PDK1: variants seen among roughly 807,000 people sequenced by gnomAD.
The protein encoded by PDK1 is [Pyruvate dehydrogenase (acetyl-transferring)] kinase isozyme 1, mitochondrial.
A neutral mutation model predicts 54.2 loss-of-function variants in PDK1; 39 were observed. The observed-to-expected ratio is 0.72, with a 90% CI of 0.56 to 0.94. The LOEUF is 0.94. Among genes scored for constraint, PDK1 ranks in the 40% least tolerant of loss-of-function variants. PDK1 has a pLI of 0.00. For missense variants in PDK1, 552 were observed against 566.0 expected, an observed-to-expected ratio of 0.98 and a Z score of 0.25; for synonymous variants, 221 against 207.1, an observed-to-expected ratio of 1.07 and a Z score of -0.58.
chr2:172,723,950 C>T, the PDK1 span: 1 of 152,176 alleles, frequency 6.6e-6, no homozygotes, highest in South Asian at 2.1e-4. Flanking sequence ...AACATTTTCA[C>T]ATTGAAAAGC....
At chr2:172,696,864 T>C in the PDK1 span, among the ~76,000 whole-genome samples, 1 of 152,188 alleles carries the variant, frequency 6.6e-6, no homozygotes, top group Non-Finnish European at 1.5e-5. Context: ...TCTAAAGTGT[T>C]ACACACCTTT....
the PDK1 span, among the ~76,000 whole-genome samples, chr2:172,642,424 C>G: frequency 1.3e-5 from 2 of 152,098 alleles, no homozygotes; most frequent in Non-Finnish European, 2.9e-5. Flanking sequence ...TGTGAAAACC[C>G]TAAGGCAGAG....
At chr2:172,611,992 A>G (rs1691477700), downstream of PDK1, among the ~76,000 whole-genome samples, 1 of 152,264 alleles carries the variant, frequency 6.6e-6, no homozygotes, top group African/African-American at 2.4e-5. Context: ...CAAAAGAAAT[A>G]CATGGCTAGA....
Position 172,556,278 on chromosome 2 carries a change from CG to C in PDK1, c.131del (p.Gly44AlafsTer16). 6.7e-7 allele frequency: 1 copy of C among 1,503,740 alleles called. No individual in the cohort carries two copies. Among genetic ancestry groups the C allele is most frequent in the Non-Finnish European group, 8.8e-7 (1 of 1,133,000 alleles). The allele number at this position is 1,503,740 out of a possible 1,614,324, so 93.1% of individuals were successfully genotyped here. A position where few individuals can be genotyped will look rare whatever the true frequency, so the allele number is the denominator to read the frequency against. On this transcript the variant is annotated frameshift_variant, in exon 1 of 11. Coordinates refer to ENST00000282077, the MANE Select transcript of PDK1 (RefSeq NM_002610.5). LOFTEE classifies it high-confidence loss of function. ...GSSPASERGVPGQVDFYARFS... is the reference protein window; with the variant it reads ...GSSPASERGVXGQVDFYARFS... ...AGCCCGGCGTCCGAGCGCGGCGTTCCGGGCCAGGTGGACTTCTACGCGCGCT... is the reference window on the plus strand; with the variant it reads ...AGCCCGGCGTCCGAGCGCGGCGTTCCGGCCAGGTGGACTTCTACGCGCGCT...
the PDK1 span, among the ~76,000 whole-genome samples, chr2:172,627,253 A>G: frequency 3.8e-3 from 572 of 152,330 alleles, 4 homozygotes; most frequent in Non-Finnish European, 5.6e-3. Context: ...TCATGGTTTC[A>G]ATTCAACATT....
intron 8 of PDK1, among the ~76,000 whole-genome samples, chr2:172,584,395 G>T (rs1047728960): frequency 6.7e-6 from 1 of 149,634 alleles, no homozygotes; most frequent in East Asian, 2.0e-4. Flanking sequence ...TTGTTGGTTG[G>T]TTTTTTTTGC....
At position 172,599,744 on chromosome 2, in the gene PDK1, C is replaced by G. The variant is rs1411228559; in HGVS notation, c.*3775C>G. 2 of 152,146 alleles carry G rather than the reference C, an allele frequency of 1.3e-5. No homozygotes were observed. Among genetic ancestry groups the G allele is most frequent in the African/African-American group, 4.8e-5 (2 of 41,438 alleles). The allele number at this position is 152,146 out of a possible 1,614,324, so 9.4% of individuals were successfully genotyped here. On this transcript the variant is annotated 3_prime_UTR_variant, in exon 11 of 11. Transcript: ENST00000282077. ...AAGAATTGAACATATGTACCACCCC[C>G]CTCTTTCTAGAGTCTCCACAGTTCT...
chr2:172,645,052 A>G, the PDK1 span, among the ~76,000 whole-genome samples: 7 of 151,994 alleles, frequency 4.6e-5, no homozygotes, highest in Non-Finnish European at 2.9e-5. Context: ...ACCATGGGAG[A>G]CTCAATGGTT....
At chr2:172,708,666 G>T in the PDK1 span, among the ~76,000 whole-genome samples, 2 of 152,200 alleles carry the variant, frequency 1.3e-5, no homozygotes, top group Admixed American at 1.3e-4. Flanking sequence ...TTGGACTTCA[G>T]ATTTTTTTGA....
chr2:172,622,219 T>C, the PDK1 span, among the ~76,000 whole-genome samples: 2 of 147,080 alleles, frequency 1.4e-5, no homozygotes, highest in Non-Finnish European at 3.0e-5. Flanking sequence ...GAGAGATATG[T>C]TTATATCTCA....
At chr2:172,680,492 C>T in the PDK1 span, among the ~76,000 whole-genome samples, 13 of 152,188 alleles carry the variant, frequency 8.5e-5, no homozygotes, top group South Asian at 1.9e-3. Context: ...GCTGAGGGTA[C>T]AGGCATGCAC....
chr2:172,655,938 G>A, the PDK1 span, among the ~76,000 whole-genome samples: 2 of 152,168 alleles, frequency 1.3e-5, no homozygotes, highest in African/African-American at 4.8e-5. Flanking sequence ...CTCAAATCTA[G>A]CATGAAGCTT....
At chr2:172,625,686 T>C in the PDK1 span, among the ~76,000 whole-genome samples, 2 of 152,144 alleles carry the variant, frequency 1.3e-5, no homozygotes, top group Non-Finnish European at 2.9e-5. Context: ...CATAGTACTT[T>C]CTATTTGTTT....
intron 8 of PDK1, among the ~76,000 whole-genome samples, chr2:172,572,887 C>G (rs13401980): frequency 0.18 from 26,733 of 152,096 alleles, 2,815 homozygotes; most frequent in African/African-American, 0.28. Context: ...TTGTTACTGA[C>G]TTCTTTCACT....
the PDK1 span, among the ~76,000 whole-genome samples, chr2:172,704,869 G>C: frequency 6.6e-6 from 1 of 152,164 alleles, no homozygotes; most frequent in African/African-American, 2.4e-5. Flanking sequence ...CCGTACTCTT[G>C]AGGTAAAAAG....
chr2:172,593,186 C>T (rs1392009698), intron 10 of PDK1, 138 bp downstream of exon 10: 2 of 467,506 alleles, frequency 4.3e-6, no homozygotes, highest in East Asian at 7.7e-5. Flanking sequence ...GGGGATCTCA[C>T]CCATTTTGAT....
Position 172,604,881 on chromosome 2 carries a change from C to T in PDK1, c.*8912C>T, listed in dbSNP as rs1331903049. 1 of 152,234 alleles carries T rather than the reference C, an allele frequency of 6.6e-6. No individual in the cohort carries two copies. The highest frequency in any genetic ancestry group is 2.4e-5 in the African/African-American group (1 of 41,460). 9.4% of individuals were successfully genotyped at this position (152,234 alleles called of 1,614,324 possible). A position where few individuals can be genotyped will look rare whatever the true frequency, so the allele number is the denominator to read the frequency against. ...TTATATTGGGTATGTTCTTATCCAA[C>T]TATCATTAGGGGCATTGATCTCTGA... On this transcript the variant is annotated 3_prime_UTR_variant, in exon 11 of 11. Coordinates refer to ENST00000282077, the MANE Select transcript of PDK1 (RefSeq NM_002610.5).
chr2:172,656,427 CA>C, the PDK1 span, among the ~76,000 whole-genome samples: 1 of 152,124 alleles, frequency 6.6e-6, no homozygotes, highest in African/African-American at 2.4e-5. Flanking sequence ...GTGACCTTTA[CA>C]AGTGCTTCTC....
At chr2:172,714,956 A>G in the PDK1 span, among the ~76,000 whole-genome samples, 1 of 152,204 alleles carries the variant, frequency 6.6e-6, no homozygotes, top group African/African-American at 2.4e-5. Flanking sequence ...AAAAATGAAT[A>G]TAGATTTTCT....
Sources: allele counts gnomAD v4.1 joint callset (sites outside exome capture counted in the v4.1 genomes callset), GRCh38; gene constraint gnomAD v4.1.1; transcripts MANE v1.5; gene names NCBI Gene and HGNC (gene_info 2026-07-23, HGNC 2026-07-21).